GBE1: variants seen among roughly 807,000 people sequenced by gnomAD.
GBE1 encodes the protein 1,4-alpha-glucan branching enzyme 1.
Under a neutral mutation model 88.8 loss-of-function variants are expected in GBE1, and 70 were observed. That is an observed-to-expected ratio of 0.79 (90% CI 0.65 to 0.96). The LOEUF (loss-of-function observed/expected upper bound fraction) is 0.96. Ranked by LOEUF, GBE1 falls within the 40% of genes least tolerant of loss-of-function variation. The probability of loss-of-function intolerance (pLI) is 0.00; values close to 1 mark genes in which losing one functional copy is unlikely to be tolerated. For missense variants in GBE1, 872 were observed against 871.0 expected (o/e 1.00, Z -0.01); for synonymous variants, 284 against 300.1 (o/e 0.95, Z 0.56).
At chr3:81,511,537 C>G (rs1397277705) in intron 14 of GBE1, among the ~76,000 whole-genome samples, 1 of 151,874 alleles carries the variant, frequency 6.6e-6, no homozygotes, top group African/African-American at 2.4e-5. Flanking sequence ...TGACCAGACA[C>G]TTCTTACAAG....
At chr3:81,711,484 G>A (rs1401025338) in intron 1 of GBE1, among the ~76,000 whole-genome samples, 1 of 151,966 alleles carries the variant, frequency 6.6e-6, no homozygotes, top group African/African-American at 2.4e-5. Context: ...TTTTTGTCAG[G>A]GTCGTCAAAG....
chr3:81,514,582 C>T (rs1027215383), intron 14 of GBE1, among the ~76,000 whole-genome samples: 6 of 151,530 alleles, frequency 4.0e-5, no homozygotes, highest in Admixed American at 3.3e-4. Flanking sequence ...TCCAAGAACA[C>T]ACTGTTTTTG....
intron 7 of GBE1, among the ~76,000 whole-genome samples, chr3:81,597,482 AATATAT>A (rs60557493): frequency 3.0e-4 from 41 of 137,786 alleles, no homozygotes; most frequent in Middle Eastern, 7.5e-3. Flanking sequence ...TATATCTCAA[AATATAT>A]ATATATATAT....
At chr3:81,745,767 AC>A (rs1372015027) in intron 1 of GBE1, among the ~76,000 whole-genome samples, 1 of 152,052 alleles carries the variant, frequency 6.6e-6, no homozygotes, top group African/African-American at 2.4e-5. Context: ...AAATTACTCC[AC>A]TTTACCTTTC....
intron 13 of GBE1, 32 bp from the exon 14 acceptor site, chr3:81,535,357 A>G: frequency 6.3e-7 from 1 of 1,575,572 alleles, no homozygotes; most frequent in Non-Finnish European, 8.6e-7. Context: ...TTACATTTAA[A>G]TAATACCTAG....
chr3:81,523,437 A>G (rs1702899962), intron 14 of GBE1, among the ~76,000 whole-genome samples: 1 of 151,622 alleles, frequency 6.6e-6, no homozygotes, highest in African/African-American at 2.4e-5. Context: ...TAATAATCAC[A>G]TCAGGGTAAA....
chr3:81,750,661 A>ATATATATATATATATATG (rs1706512648), intron 1 of GBE1, among the ~76,000 whole-genome samples: 1 of 77,828 alleles, frequency 1.3e-5, no homozygotes, highest in South Asian at 3.1e-4. Flanking sequence ...ATATATATGT[A>ATATATATATATATATATG]TATATATATA....
intron 12 of GBE1, among the ~76,000 whole-genome samples, chr3:81,550,307 C>T (rs959484352): frequency 1.3e-5 from 2 of 151,298 alleles, no homozygotes; most frequent in African/African-American, 4.8e-5. Context: ...GAATGGCTAT[C>T]ACCATACCAA....
intron 12 of GBE1, among the ~76,000 whole-genome samples, chr3:81,577,409 C>G (rs904775437): frequency 2.0e-5 from 3 of 152,076 alleles, no homozygotes; most frequent in Non-Finnish European, 4.4e-5. Context: ...AGCTTTCAGA[C>G]AAAAATGACC....
intron 1 of GBE1, among the ~76,000 whole-genome samples, chr3:81,750,576 C>CGTATATATGTATATATATAT (rs1559708493): frequency 8.7e-5 from 4 of 46,084 alleles, no homozygotes; most frequent in Non-Finnish European, 1.1e-4. Flanking sequence ...TATATATATA[C>CGTATATATGTATATATATAT]GTATATATAT....
At chr3:81,609,564 T>C (rs1364210840) in intron 7 of GBE1, among the ~76,000 whole-genome samples, 1 of 152,178 alleles carries the variant, frequency 6.6e-6, no homozygotes, top group Non-Finnish European at 1.5e-5. Flanking sequence ...GGGGGTTTTT[T>C]TTTGGTTTTT....
At position 81,751,890 on chromosome 3, in the gene GBE1, A is replaced by T. The variant is rs146408347; in HGVS notation, c.143+9485T>A. On this transcript the variant is annotated intron_variant, in intron 1 of 15. Coordinates refer to ENST00000429644, the MANE Select transcript of GBE1 (RefSeq NM_000158.4). ...CCTGTGGCTAGGTGTTATTAATGGA[A>T]ATGAAAACAGATTGATGACACTGAG... is the stretch of plus-strand genomic sequence containing the variant. 9.3e-4 allele frequency among the ~76,000 whole-genome samples: 142 copies of T among 152,310 alleles called. No homozygotes were observed. In the Middle Eastern group the frequency reaches 0.017, roughly 18 times the overall value.
intron 7 of GBE1, among the ~76,000 whole-genome samples, chr3:81,631,522 G>T (rs1322446628): frequency 2.0e-5 from 3 of 151,696 alleles, no homozygotes; most frequent in Non-Finnish European, 4.4e-5. Context: ...AGATCACAAG[G>T]TCAGGAGATC....
chr3:81,545,624 G>C (rs924165094), intron 12 of GBE1, among the ~76,000 whole-genome samples: 3 of 151,850 alleles, frequency 2.0e-5, no homozygotes, highest in Non-Finnish European at 4.4e-5. Context: ...ATGTGTGTGT[G>C]TGTGTGTGTG....
chr3:81,541,785 G>A (rs1259959152), intron 12 of GBE1, among the ~76,000 whole-genome samples: 1 of 151,980 alleles, frequency 6.6e-6, no homozygotes, highest in Non-Finnish European at 1.5e-5. Flanking sequence ...GTTATAGCAG[G>A]ACAAACAGGC....
At chr3:81,551,416 C>G (rs774155073) in intron 12 of GBE1, among the ~76,000 whole-genome samples, 1 of 152,074 alleles carries the variant, frequency 6.6e-6, no homozygotes, top group Non-Finnish European at 1.5e-5. Flanking sequence ...GAAAACAAAT[C>G]CTGGGGCCCC....
chr3:81,549,056 A>T (rs1703242035), intron 12 of GBE1, among the ~76,000 whole-genome samples: 1 of 128,182 alleles, frequency 7.8e-6, no homozygotes. Context: ...TTTCAGATGG[A>T]GTCTTGCTCT....
At chr3:81,628,423 G>A (rs1350440239) in intron 7 of GBE1, among the ~76,000 whole-genome samples, 2 of 151,956 alleles carry the variant, frequency 1.3e-5, no homozygotes, top group Non-Finnish European at 2.9e-5. Context: ...TAACAGTGAG[G>A]GCAAGAGCTC....
chr3:81,623,363 A>G (rs1428950877), intron 7 of GBE1, among the ~76,000 whole-genome samples: 1 of 152,158 alleles, frequency 6.6e-6, no homozygotes, highest in Admixed American at 6.5e-5. Context: ...CTTAAATATC[A>G]CCTTTTCAGA....
Sources: allele counts gnomAD v4.1 joint callset (sites outside exome capture counted in the v4.1 genomes callset), GRCh38; gene constraint gnomAD v4.1.1; transcripts MANE v1.5; gene names NCBI Gene and HGNC (gene_info 2026-07-23, HGNC 2026-07-21).